SHTN1: variants seen among roughly 807,000 people sequenced by gnomAD.
The protein encoded by SHTN1 is shootin 1.
A neutral mutation model predicts 83.1 loss-of-function variants in SHTN1; 42 were observed. The observed-to-expected ratio is 0.51, with a 90% CI of 0.39 to 0.65. The LOEUF (loss-of-function observed/expected upper bound fraction) is 0.65. Ranked by LOEUF, SHTN1 falls within the 30% of genes least tolerant of loss-of-function variation. The pLI, the probability that SHTN1 is intolerant of heterozygous loss-of-function variation, is 0.00. For synonymous variants in SHTN1, 224 were observed against 247.7 expected (o/e 0.90, Z 0.90); for missense variants, 622 against 737.8 (o/e 0.84, Z 1.82).
chr10:117,051,284 CA>C, intron 1 of SHTN1, among the ~76,000 whole-genome samples: 1 of 152,028 alleles, frequency 6.6e-6, no homozygotes, highest in Non-Finnish European at 1.5e-5. Flanking sequence ...AATCACCCAA[CA>C]AAAAACAAGC....
rs979319704 is a variant in SHTN1, at chr10:116,881,507, TTAAA to T, written c.*4833_*4836del. ...TTAGACAGTAAACTTTATTGTTACT[TTAAA>T]TAGGTTTCAAAGAAGAACACACTTT... On this transcript the variant is annotated 3_prime_UTR_variant, in exon 17 of 17. Coordinates refer to ENST00000355371, the MANE Select transcript of SHTN1 (RefSeq NM_001127211.3). The T allele has an allele frequency of 7.7e-5, 118 of 1,532,762 alleles. No homozygotes were observed. Among genetic ancestry groups the T allele is most frequent in the African/African-American group, 5.4e-4 (39 of 72,036 alleles). 94.9% of individuals were successfully genotyped at this position (1,532,762 alleles called of 1,614,324 possible).
At chr10:116,930,835 C>G (rs555026042) in intron 9 of SHTN1, among the ~76,000 whole-genome samples, 2 of 152,166 alleles carry the variant, frequency 1.3e-5, no homozygotes, top group African/African-American at 4.8e-5. Flanking sequence ...AACTAACTTA[C>G]ATTCCCACCA....
intron 1 of SHTN1, among the ~76,000 whole-genome samples, chr10:117,073,556 G>A (rs1353782344): frequency 6.6e-6 from 1 of 152,206 alleles, no homozygotes; most frequent in East Asian, 1.9e-4. Flanking sequence ...GTTTGCAGGT[G>A]AGGAGGATAA....
At chr10:117,023,403 T>C (rs1852289506) in intron 2 of SHTN1, among the ~76,000 whole-genome samples, 4 of 152,182 alleles carry the variant, frequency 2.6e-5, no homozygotes, top group Admixed American at 2.6e-4. Context: ...ATTGGAAGTT[T>C]AAGGACATGC....
intron 15 of SHTN1, among the ~76,000 whole-genome samples, chr10:116,902,466 GT>G (rs950393748): frequency 2.0e-5 from 3 of 152,168 alleles, no homozygotes; most frequent in Admixed American, 6.6e-5. Context: ...AAGTGGATTT[GT>G]TTCCTCTTAA....
At chr10:116,901,661 C>T (rs1026341760) in intron 16 of SHTN1, 104 bp downstream of exon 16, 9 of 1,355,618 alleles carry the variant, frequency 6.6e-6, no homozygotes, top group African/African-American at 4.6e-5. Flanking sequence ...AATTTACCGG[C>T]GAGCCAATCA....
At chr10:116,970,957 C>T (rs774770746) in intron 2 of SHTN1, among the ~76,000 whole-genome samples, 1 of 152,008 alleles carries the variant, frequency 6.6e-6, no homozygotes, top group Non-Finnish European at 1.5e-5. Flanking sequence ...TTGCTGCATT[C>T]CTTATTTTTG....
chr10:117,098,927 A>T (rs1343240861), intron 1 of SHTN1, among the ~76,000 whole-genome samples: 1 of 151,720 alleles, frequency 6.6e-6, no homozygotes, highest in African/African-American at 2.4e-5. Context: ...CAAATTTATA[A>T]AGACCTTAAC....
At chr10:117,005,332 A>T, upstream of SHTN1, 1 of 1,315,892 alleles carries the variant, frequency 7.6e-7, no homozygotes, top group Non-Finnish European at 9.7e-7. Flanking sequence ...GGGGTGGAGG[A>T]ACGAGGGCGG....
At chr10:117,073,572 G>A (rs1448055182) in intron 1 of SHTN1, among the ~76,000 whole-genome samples, 1 of 152,198 alleles carries the variant, frequency 6.6e-6, no homozygotes, top group East Asian at 1.9e-4. Context: ...GATAAAAGCA[G>A]TGCCACTTTT....
At chr10:117,044,702 C>A (rs1472985709) in intron 2 of SHTN1, among the ~76,000 whole-genome samples, 1 of 152,174 alleles carries the variant, frequency 6.6e-6, no homozygotes, top group East Asian at 1.9e-4. Context: ...AAATATACCT[C>A]CAAAAACCTC....
At chr10:116,948,358 A>C (rs1452724414) in intron 7 of SHTN1, among the ~76,000 whole-genome samples, 1 of 152,202 alleles carries the variant, frequency 6.6e-6, no homozygotes, top group African/African-American at 2.4e-5. Context: ...TGATTCATTT[A>C]AATGATCATC....
At chr10:116,919,997 C>T (rs2133362022) in intron 12 of SHTN1, among the ~76,000 whole-genome samples, 1 of 152,188 alleles carries the variant, frequency 6.6e-6, no homozygotes, top group Middle Eastern at 3.4e-3. Flanking sequence ...AAGAGTAAAC[C>T]CTCAAAGAGC....
rs574594541 is a variant in SHTN1, at chr10:117,050,943, A to T, written c.-188-2433T>A. ...TGTGGTGGCACCTGCCTGTAGTCCT[A>T]GCTACTGAGGAAGCTAAGCAGGAGG... On this transcript the variant is annotated intron_variant, in intron 1 of 17. Coordinates refer to the SHTN1 transcript ENST00000392901. Among the ~76,000 whole-genome samples the T allele has an allele frequency of 1.3e-3, 194 of 152,286 alleles. 1 individual carries two copies. Among genetic ancestry groups the T allele is most frequent in the African/African-American group, 4.5e-3 (188 of 41,562 alleles).
chr10:116,949,092 C>G lies in SHTN1; in HGVS notation c.535-95G>C. On this transcript the variant is annotated intron_variant, in intron 6 of 16. Coordinates refer to ENST00000355371, the MANE Select transcript of SHTN1 (RefSeq NM_001127211.3). ...TACTCAATTGCTGTTCAACTTTCAA[C>G]ATGAAGTTACAATTTAAAGCAGAAA... 7.9e-6 allele frequency: 10 copies of G among 1,261,938 alleles called. No homozygotes were observed. In the South Asian group the frequency reaches 2.2e-4, roughly 28 times the overall value. The allele number at this position is 1,261,938 out of a possible 1,614,324, so 78.2% of individuals were successfully genotyped here.
intron 1 of SHTN1, among the ~76,000 whole-genome samples, chr10:117,060,021 G>A (rs1408599648): frequency 1.3e-5 from 2 of 152,000 alleles, no homozygotes; most frequent in Non-Finnish European, 2.9e-5. Flanking sequence ...GACCAACCTG[G>A]GCAATACAGC....
chr10:117,121,465 G>C (rs1448321299), intron 1 of SHTN1, among the ~76,000 whole-genome samples: 1 of 152,026 alleles, frequency 6.6e-6, no homozygotes, highest in Non-Finnish European at 1.5e-5. Context: ...TGTAATCCCA[G>C]CTACTTGGGA....
At chr10:117,010,416 A>AAAAAGAAAAG (rs555154349), upstream of SHTN1, among the ~76,000 whole-genome samples, 10 of 152,160 alleles carry the variant, frequency 6.6e-5, no homozygotes, top group African/African-American at 2.4e-4. Context: ...AAAGTATTAA[A>AAAAAGAAAAG]AAAAGAAAAG....
At chr10:116,960,908 CA>C (rs1850162314) in intron 3 of SHTN1, among the ~76,000 whole-genome samples, 1 of 151,986 alleles carries the variant, frequency 6.6e-6, no homozygotes, top group Non-Finnish European at 1.5e-5. Context: ...GATATGTCAC[CA>C]ATGCTCGAAA....
Sources: allele counts gnomAD v4.1 joint callset (sites outside exome capture counted in the v4.1 genomes callset), GRCh38; gene constraint gnomAD v4.1.1; transcripts MANE v1.5; gene names NCBI Gene and HGNC (gene_info 2026-07-23, HGNC 2026-07-21).